The following PTCHD4 variants were observed in gnomAD, a reference collection of about 807,000 sequenced individuals.
PTCHD4 encodes the protein patched domain containing 4, also known as patched domain-containing protein 4.
A neutral mutation model predicts 58.1 loss-of-function variants in PTCHD4; 33 were observed. The observed-to-expected ratio is 0.57, with a 90% CI of 0.43 to 0.76. PTCHD4 has a LOEUF of 0.76. Ranked by LOEUF, PTCHD4 falls within the 30% of genes least tolerant of loss-of-function variation. The pLI is 0.00. For synonymous variants in PTCHD4, 478 were observed against 409.6 expected (o/e 1.17, Z -2.02); for missense variants, 1,058 against 1,027.1 (o/e 1.03, Z -0.41).
Position 47,857,200 on chromosome 6 carries a change from G to T in PTCHD4, c.*21103C>A, listed in dbSNP as rs899943513. The stretch of plus-strand genomic sequence containing the variant: ...CCTTTCAACAGTTTTGTCCCAAAGT[G>T]CTGCTAACTGTGTGCTGGTGTATTG... On this transcript the variant is annotated 3_prime_UTR_variant, in exon 5 of 5. Coordinates refer to ENST00000339488, the MANE Select transcript of PTCHD4 (RefSeq NM_001384253.1). Among the ~76,000 whole-genome samples, 9 of 152,050 alleles carry T rather than the reference G, an allele frequency of 5.9e-5. No individual in the cohort carries two copies. The highest frequency in any genetic ancestry group is 1.2e-4 in the Non-Finnish European group (8 of 67,986).
chr6:48,051,119 A>AT (rs1213272591), intron 3 of PTCHD4, among the ~76,000 whole-genome samples: 1 of 151,984 alleles, frequency 6.6e-6, no homozygotes, highest in Non-Finnish European at 1.5e-5. Flanking sequence ...TTTGTTGATT[A>AT]TTTTTAATCA....
intron 1 of PTCHD4, among the ~76,000 whole-genome samples, chr6:48,071,757 A>C (rs1043274952): frequency 6.6e-6 from 1 of 152,178 alleles, no homozygotes; most frequent in Non-Finnish European, 1.5e-5. Flanking sequence ...CCTGGATACC[A>C]CATTGCTTTT....
intron 4 of PTCHD4, among the ~76,000 whole-genome samples, chr6:47,933,257 T>C (rs969347211): frequency 6.6e-6 from 1 of 152,208 alleles, no homozygotes; most frequent in African/African-American, 2.4e-5. Flanking sequence ...GTGAGCTCCA[T>C]AGGTGCTTTC....
intron 4 of PTCHD4, among the ~76,000 whole-genome samples, chr6:47,932,878 A>T (rs1462698565): frequency 6.6e-6 from 1 of 152,228 alleles, no homozygotes; most frequent in Non-Finnish European, 1.5e-5. Flanking sequence ...AATTCACCTC[A>T]TAGTTTTATT....
At chr6:48,102,602 C>CGGACA (rs888847792) in intron 1 of PTCHD4, among the ~76,000 whole-genome samples, 2 of 152,136 alleles carry the variant, frequency 1.3e-5, no homozygotes, top group Admixed American at 6.5e-5. Flanking sequence ...AGGGGAGTGC[C>CGGACA]GGACAGTGGG....
At chr6:47,902,132 T>A (rs1764729111) in intron 4 of PTCHD4, among the ~76,000 whole-genome samples, 1 of 152,222 alleles carries the variant, frequency 6.6e-6, no homozygotes, top group Non-Finnish European at 1.5e-5. Context: ...AATACTAGAC[T>A]TTATGGATGT....
chr6:48,095,993 T>C (rs1765463585), intron 1 of PTCHD4, among the ~76,000 whole-genome samples: 2 of 152,346 alleles, frequency 1.3e-5, no homozygotes, highest in South Asian at 2.1e-4. Context: ...ACAATATTTT[T>C]GTTGGTACTG....
At chr6:48,048,537 A>AT (rs1366041529) in intron 3 of PTCHD4, among the ~76,000 whole-genome samples, 3 of 151,860 alleles carry the variant, frequency 2.0e-5, no homozygotes, top group Non-Finnish European at 4.4e-5. Flanking sequence ...AGCAAATAAC[A>AT]TTTTTTCTAC....
chr6:47,983,635 A>C (rs983867689), intron 4 of PTCHD4, among the ~76,000 whole-genome samples: 7 of 152,196 alleles, frequency 4.6e-5, no homozygotes, highest in African/African-American at 1.7e-4. Context: ...GTAAATGCCT[A>C]ACCTAAAGTT....
At chr6:47,957,701 C>A (rs1028486707) in intron 4 of PTCHD4, among the ~76,000 whole-genome samples, 1 of 151,228 alleles carries the variant, frequency 6.6e-6, no homozygotes, top group Non-Finnish European at 1.5e-5. Context: ...CCCGGGTTCA[C>A]GCCATTCTTC....
intron 1 of PTCHD4, among the ~76,000 whole-genome samples, chr6:48,091,864 G>A (rs1242971623): frequency 1.3e-5 from 2 of 151,870 alleles, no homozygotes; most frequent in Admixed American, 1.3e-4. Flanking sequence ...TGGCTAGGCT[G>A]GTCTCGAACT....
At chr6:47,888,106 C>T (rs887319477) in intron 4 of PTCHD4, among the ~76,000 whole-genome samples, 28 of 152,112 alleles carry the variant, frequency 1.8e-4, no homozygotes, top group African/African-American at 6.5e-4. Flanking sequence ...GCCTGTAATC[C>T]CAGTACTTTG....
intron 4 of PTCHD4, among the ~76,000 whole-genome samples, chr6:47,999,512 AC>A (rs1262630844): frequency 6.6e-6 from 1 of 152,158 alleles, no homozygotes. Context: ...CATATTAGAG[AC>A]ATTTCTAATA....
At chr6:48,031,161 C>T (rs989538088) in intron 3 of PTCHD4, among the ~76,000 whole-genome samples, 4 of 152,108 alleles carry the variant, frequency 2.6e-5, no homozygotes, top group African/African-American at 7.2e-5. Flanking sequence ...CATTTCCCAC[C>T]CCTTGATATC....
At chr6:47,883,169 C>A (rs371407970) in intron 4 of PTCHD4, among the ~76,000 whole-genome samples, 5 of 151,676 alleles carry the variant, frequency 3.3e-5, no homozygotes. Flanking sequence ...TTTTGCTAGC[C>A]GATATATAAG....
chr6:47,944,331 T>G (rs961299463), intron 4 of PTCHD4, among the ~76,000 whole-genome samples: 2 of 152,078 alleles, frequency 1.3e-5, no homozygotes, highest in Non-Finnish European at 2.9e-5. Flanking sequence ...TCAAAAAAAT[T>G]TCAGAAAACA....
intron 3 of PTCHD4, among the ~76,000 whole-genome samples, chr6:48,025,172 A>G (rs998601832): frequency 1.3e-5 from 2 of 152,192 alleles, no homozygotes; most frequent in Non-Finnish European, 2.9e-5. Context: ...AATGGCAAGA[A>G]CACTGTGTCT....
rs1261792178 is a variant in PTCHD4 at position 47,878,292 on chromosome 6, G to T, written c.*11C>A. The stretch of plus-strand genomic sequence containing the variant: ...ACTGGAAAAGAAAAATAATCCACTG[G>T]TCTATACCCCTCATACTGTGGTGAC... On this transcript the variant is annotated 3_prime_UTR_variant, in exon 5 of 5. Transcript: ENST00000339488. 2 of 1,570,030 alleles carry T rather than the reference G, an allele frequency of 1.3e-6. No homozygotes were observed. The highest frequency in any genetic ancestry group is 1.8e-5 in the Admixed American group (1 of 54,822).
chr6:47,925,492 CTCTTA>C (rs1410142930), intron 4 of PTCHD4, among the ~76,000 whole-genome samples: 2 of 152,298 alleles, frequency 1.3e-5, no homozygotes, highest in African/African-American at 4.8e-5. Context: ...AAGTTCTTCT[CTCTTA>C]GAGAAGAGTG....
Sources: allele counts gnomAD v4.1 joint callset (sites outside exome capture counted in the v4.1 genomes callset), GRCh38; gene constraint gnomAD v4.1.1; transcripts MANE v1.5; gene names NCBI Gene and HGNC (gene_info 2026-07-23, HGNC 2026-07-21).